The following LPP variants were observed in gnomAD, a reference collection of about 807,000 sequenced individuals.
LPP encodes LIM domain containing preferred translocation partner in lipoma, also known as lipoma-preferred partner.
LPP carries 38 observed loss-of-function variants against 60.4 expected under a neutral mutation model. The observed-to-expected ratio is 0.63, with a 90% CI of 0.49 to 0.83. LPP has a LOEUF of 0.83. LPP is among the 40% of genes least tolerant of loss of function. The pLI is 0.00. For missense variants in LPP, 902 were observed against 783.6 expected (o/e 1.15, Z -1.80); for synonymous variants, 328 against 290.8 (o/e 1.13, Z -1.30).
In LPP at chr3:188,181,124, G is replaced by T. The variant is rs182908142; in HGVS notation, c.-190+26872G>T. The stretch of plus-strand genomic sequence containing the variant: ...AATCTCAGCACTTTTGGAGGCCGAG[G>T]TGGGCGGATCACGAGGTCAGGGATT... On this transcript the variant is annotated intron_variant, in intron 1 of 11. Transcript: ENST00000617246. Among the ~76,000 whole-genome samples, 296 of 152,194 alleles carry T rather than the reference G, an allele frequency of 1.9e-3. 2 individuals are homozygous for T. Among genetic ancestry groups the T allele is most frequent in the African/African-American group, 6.9e-3 (287 of 41,530 alleles).
chr3:188,705,889 T>C (rs780062046), intron 7 of LPP, among the ~76,000 whole-genome samples: 1 of 152,120 alleles, frequency 6.6e-6, no homozygotes, highest in Non-Finnish European at 1.5e-5. Flanking sequence ...GATGCTGGGA[T>C]TACTGATGTA....
chr3:188,636,527 G>T (rs1017973813), intron 7 of LPP, among the ~76,000 whole-genome samples: 1 of 152,322 alleles, frequency 6.6e-6, no homozygotes, highest in Middle Eastern at 3.4e-3. Flanking sequence ...AAAGCAGCCA[G>T]GAAGCTCGAA....
chr3:188,695,889 G>A (rs901181280), intron 7 of LPP, among the ~76,000 whole-genome samples: 1 of 152,138 alleles, frequency 6.6e-6, no homozygotes, highest in African/African-American at 2.4e-5. Flanking sequence ...TGAATATATA[G>A]AGATGGCTGT....
intron 7 of LPP, among the ~76,000 whole-genome samples, chr3:188,634,734 A>G (rs185971739): frequency 6.6e-6 from 1 of 152,304 alleles, no homozygotes; most frequent in Non-Finnish European, 1.5e-5. Context: ...TCATCCCCAG[A>G]TGGGACCATC....
intron 2 of LPP, among the ~76,000 whole-genome samples, chr3:188,295,398 CAAAACCACAG>C (rs1560212274): frequency 2.0e-5 from 3 of 152,192 alleles, no homozygotes; most frequent in Admixed American, 1.3e-4. Flanking sequence ...CATCTAGTGA[CAAAACCACAG>C]TCATCCAGAC....
chr3:188,415,596 G>GAAT (rs1405437645), intron 4 of LPP, among the ~76,000 whole-genome samples: 2 of 151,800 alleles, frequency 1.3e-5, no homozygotes, highest in African/African-American at 2.4e-5. Flanking sequence ...CCATACAATG[G>GAAT]AATAATACCA....
chr3:188,323,838 G>C (rs1757611397), intron 2 of LPP, among the ~76,000 whole-genome samples: 1 of 152,200 alleles, frequency 6.6e-6, no homozygotes, highest in Non-Finnish European at 1.5e-5. Flanking sequence ...GAATGGAAGT[G>C]GAGGTCATAG....
intron 2 of LPP, among the ~76,000 whole-genome samples, chr3:188,320,528 G>A (rs1756626708): frequency 6.6e-6 from 1 of 152,194 alleles, no homozygotes; most frequent in South Asian, 2.1e-4. Flanking sequence ...GGGAAAGCAG[G>A]AAGGAGTAAG....
At chr3:188,455,981 C>T (rs764464000) in intron 4 of LPP, among the ~76,000 whole-genome samples, 1 of 152,204 alleles carries the variant, frequency 6.6e-6, no homozygotes, top group Non-Finnish European at 1.5e-5. Flanking sequence ...CACGCTCAAA[C>T]TCCTGATCTT....
At chr3:188,308,834 T>C (rs1247195074) in intron 2 of LPP, among the ~76,000 whole-genome samples, 2 of 143,132 alleles carry the variant, frequency 1.4e-5, no homozygotes, top group Non-Finnish European at 3.1e-5. Flanking sequence ...TGAGCCTGAG[T>C]TGTTGTTTCT....
At chr3:188,778,377 C>A (rs1330503004) in intron 9 of LPP, among the ~76,000 whole-genome samples, 2 of 152,106 alleles carry the variant, frequency 1.3e-5, no homozygotes, top group Non-Finnish European at 2.9e-5. Context: ...TACTGGCAAG[C>A]TTTGTGAACT....
intron 4 of LPP, among the ~76,000 whole-genome samples, chr3:188,466,826 T>TAG (rs1254226022): frequency 7.3e-5 from 9 of 123,108 alleles, no homozygotes; most frequent in East Asian, 4.8e-4. Flanking sequence ...TATATATATA[T>TAG]ATATATATAT....
intron 7 of LPP, among the ~76,000 whole-genome samples, chr3:188,618,481 G>A (rs778376806): frequency 3.9e-5 from 6 of 152,128 alleles, no homozygotes; most frequent in Non-Finnish European, 4.4e-5. Context: ...AAGAACTGAC[G>A]TCGCCTCACT....
intron 8 of LPP, among the ~76,000 whole-genome samples, chr3:188,750,648 A>T (rs1239845901): frequency 6.6e-6 from 1 of 152,154 alleles, no homozygotes; most frequent in Non-Finnish European, 1.5e-5. Flanking sequence ...ATAAAAAAAA[A>T]AGTTTACTAT....
intron 8 of LPP, chr3:188,746,495 A>T (rs1448347050): frequency 4.1e-6 from 2 of 485,890 alleles, no homozygotes; most frequent in Non-Finnish European, 8.2e-6. Flanking sequence ...CAGAATGCTG[A>T]TAATGCCAAG....
chr3:188,773,109 A>C (rs1408594080), intron 9 of LPP, among the ~76,000 whole-genome samples: 3 of 152,190 alleles, frequency 2.0e-5, no homozygotes, highest in Admixed American at 6.5e-5. Flanking sequence ...AAAATTGCCA[A>C]GGAGTTTGAG....
chr3:188,765,493 A>G (rs536411366), intron 9 of LPP, among the ~76,000 whole-genome samples: 12 of 152,310 alleles, frequency 7.9e-5, no homozygotes, highest in Non-Finnish European at 1.8e-4. Flanking sequence ...ACAGCCCCTT[A>G]CATTTTATAA....
intron 1 of LPP, among the ~76,000 whole-genome samples, chr3:188,156,925 C>T (rs142897853): frequency 1.6e-3 from 244 of 151,432 alleles, no homozygotes; most frequent in African/African-American, 5.6e-3. Flanking sequence ...ATACCTATTA[C>T]GTACCATTGG....
At chr3:188,409,004 A>G (rs1043952550) in intron 4 of LPP, among the ~76,000 whole-genome samples, 2 of 152,124 alleles carry the variant, frequency 1.3e-5, no homozygotes, top group Admixed American at 6.5e-5. Flanking sequence ...ACTCGTCCTT[A>G]TGTTCCTCAT....
Sources: gnomAD v4.1 joint callset for allele counts (sites outside exome capture counted in the v4.1 genomes callset) on GRCh38, gnomAD v4.1.1 for gene constraint, MANE v1.5 for transcripts, NCBI Gene and HGNC (gene_info 2026-07-23, HGNC 2026-07-21) for gene names.